The following NQO1 variants were observed in gnomAD, a reference collection of about 807,000 sequenced individuals.
NQO1 encodes NAD(P)H dehydrogenase [quinone] 1.
A neutral mutation model predicts 32.1 loss-of-function variants in NQO1; 30 were observed. The ratio of observed to expected loss-of-function variants is 0.94; its 90% CI spans 0.70 to 1.27. The LOEUF (loss-of-function observed/expected upper bound fraction) is 1.27, where lower values mean the gene tolerates loss of function less well. NQO1 is among the 50% of genes most tolerant of loss of function. The probability of loss-of-function intolerance (pLI) is 0.00; values close to 1 mark genes in which losing one functional copy is unlikely to be tolerated. For missense variants in NQO1, 276 were observed against 331.3 expected (o/e 0.83, Z 1.30); for synonymous variants, 109 against 119.7 (o/e 0.91, Z 0.59).
intron 1 of NQO1, among the ~76,000 whole-genome samples, chr16:69,723,205 G>C (rs972122415): frequency 6.6e-6 from 1 of 152,206 alleles, no homozygotes; most frequent in African/African-American, 2.4e-5. Context: ...TTACAGGCGT[G>C]AGCCACAGCG....
chr16:69,715,154 C>T (rs919258632), intron 3 of NQO1, 77 bp from the exon 4 acceptor site: 16 of 1,025,890 alleles, frequency 1.6e-5, no homozygotes, highest in Non-Finnish European at 2.0e-5. Flanking sequence ...TGCTGAGCCG[C>T]TCCCCATGAT....
chr16:69,712,912 G>C, intron 5 of NQO1, 116 bp downstream of exon 5: 2 of 812,698 alleles, frequency 2.5e-6, no homozygotes, highest in South Asian at 1.7e-5. Context: ...AGAATTGCTC[G>C]AACCCAGCGG....
rs1217907538 is a variant in NQO1, at chr16:69,709,620, A to T, written c.*1356T>A. The T allele has an allele frequency of 2.5e-6, 1 of 394,388 alleles. No homozygotes were observed. The highest frequency in any genetic ancestry group is 3.6e-5 in the East Asian group (1 of 27,912). 24.4% of individuals were successfully genotyped at this position (394,388 alleles called of 1,614,324 possible). A position where few individuals can be genotyped will look rare whatever the true frequency, so the allele number is the denominator to read the frequency against. On this transcript the variant is annotated 3_prime_UTR_variant, in exon 6 of 6. Transcript: ENST00000320623. ...CAATCCCTTCATTTTCTTGGCAAGT[A>T]AGAGGCTGTCTCCCATTTTTCAGGC...
At chr16:69,711,604 T>A (rs1176862551) in intron 5 of NQO1, among the ~76,000 whole-genome samples, 3 of 151,978 alleles carry the variant, frequency 2.0e-5, no homozygotes, top group Non-Finnish European at 4.4e-5. Flanking sequence ...CCTGCGTGGG[T>A]GCATTTCTCT....
At chr16:69,722,450 G>A (rs1435227356) in intron 1 of NQO1, among the ~76,000 whole-genome samples, 1 of 152,050 alleles carries the variant, frequency 6.6e-6, no homozygotes, top group South Asian at 2.1e-4. Context: ...GTGAGCCACC[G>A]CGCCCAGCCG....
intron 1 of NQO1, 125 bp from the exon 2 acceptor site, chr16:69,718,659 A>G: frequency 1.2e-6 from 1 of 837,762 alleles, no homozygotes; most frequent in South Asian, 1.8e-5. Context: ...ATTGCATTCC[A>G]TCTCCTGTAG....
At chr16:69,712,249 T>G (rs532249468) in intron 5 of NQO1, among the ~76,000 whole-genome samples, 1 of 150,140 alleles carries the variant, frequency 6.7e-6, no homozygotes, top group South Asian at 2.1e-4. Context: ...CTAATTTTGT[T>G]TTTTTTTTTT....
At chr16:69,722,461 G>A (rs2038205719) in intron 1 of NQO1, among the ~76,000 whole-genome samples, 1 of 152,042 alleles carries the variant, frequency 6.6e-6, no homozygotes, top group African/African-American at 2.4e-5. Context: ...CGCCCAGCCG[G>A]CATCTGCAAC....
intron 3 of NQO1, 71 bp downstream of exon 3, chr16:69,718,052 C>A: frequency 6.3e-7 from 1 of 1,582,212 alleles, no homozygotes; most frequent in Non-Finnish European, 8.6e-7. Flanking sequence ...GATCTCATAG[C>A]TAATTAGGTA....
chr16:69,726,249 G>A (rs2038260020), intron 1 of NQO1, among the ~76,000 whole-genome samples, 184 bp downstream of exon 1: 2 of 152,084 alleles, frequency 1.3e-5, no homozygotes, highest in South Asian at 2.1e-4. Context: ...CCGCGACACC[G>A]GATACAAACA....
intron 4 of NQO1, among the ~76,000 whole-genome samples, chr16:69,714,599 GC>G (rs1320920098): frequency 6.6e-6 from 1 of 151,672 alleles, no homozygotes; most frequent in Non-Finnish European, 1.5e-5. Flanking sequence ...CTGCATCAGA[GC>G]CGGGCACAGT....
chr16:69,715,017 T>G lies in NQO1; in HGVS notation c.364A>C (p.Ile122Leu). ...ILKGWFERVF[I>L]GEFAYTYAAM... ...GCGTAAGTGTAAGCAAACTCTCCTA[T>G]GAACACTCGCTCAAACCAGCCTTTC... The change falls in exon 4 of 6, where the codon ATA (isoleucine) becomes CTA (leucine). Residue 122 changes from isoleucine to leucine, a missense_variant. Coordinates refer to ENST00000320623, the MANE Select transcript of NQO1 (RefSeq NM_000903.3). The G allele has an allele frequency of 6.2e-7, 1 of 1,613,650 alleles. No homozygotes were observed. The highest frequency in any genetic ancestry group is 1.3e-5 in the African/African-American group (1 of 74,798).
At chr16:69,723,840 TAA>T (rs1227719529) in intron 1 of NQO1, among the ~76,000 whole-genome samples, 1 of 151,976 alleles carries the variant, frequency 6.6e-6, no homozygotes, top group Non-Finnish European at 1.5e-5. Flanking sequence ...ATAGGCAATT[TAA>T]AAGTTTTCTG....
intron 4 of NQO1, among the ~76,000 whole-genome samples, chr16:69,713,900 G>A (rs2038076296): frequency 1.1e-5 from 1 of 89,672 alleles, no homozygotes; most frequent in African/African-American, 4.3e-5. Flanking sequence ...TTTTGATATG[G>A]AGGCTCGCTC....
chr16:69,724,828 C>T (rs1264787666), intron 1 of NQO1, among the ~76,000 whole-genome samples: 1 of 152,146 alleles, frequency 6.6e-6, no homozygotes, highest in South Asian at 2.1e-4. Flanking sequence ...CTATTAGTTG[C>T]AAACAAAAAA....
intron 1 of NQO1, among the ~76,000 whole-genome samples, chr16:69,721,564 A>G (rs1228860638): frequency 6.6e-6 from 1 of 152,186 alleles, no homozygotes; most frequent in Non-Finnish European, 1.5e-5. Flanking sequence ...ATGGCAGCAC[A>G]AAATAGACTG....
chr16:69,724,228 G>T (rs972002922), intron 1 of NQO1, among the ~76,000 whole-genome samples: 1 of 152,114 alleles, frequency 6.6e-6, no homozygotes, highest in Admixed American at 6.6e-5. Context: ...CACAAGAATC[G>T]TTTGAACCTG....
intron 1 of NQO1, among the ~76,000 whole-genome samples, chr16:69,721,512 A>C (rs1398008049): frequency 2.0e-5 from 3 of 152,184 alleles, no homozygotes; most frequent in African/African-American, 7.2e-5. Flanking sequence ...GTGAGAAATC[A>C]ATTTCTCTTT....
Position 69,712,638 on chromosome 16 carries a change from T to C in NQO1, c.519+390A>G, listed in dbSNP as rs144106010. On this transcript the variant is annotated intron_variant, in intron 5 of 5. Coordinates refer to ENST00000320623, the MANE Select transcript of NQO1 (RefSeq NM_000903.3). ...TTTCATCTTCACAACTCAAGATCTA[T>C]TTTCAGATGCTATCTTGAGGTTTTG... Among the ~76,000 whole-genome samples the C allele has an allele frequency of 6.2e-4, 95 of 152,324 alleles. 1 individual carries two copies. The East Asian group carries it at 0.014, about 23-fold the overall frequency.
Sources: allele counts gnomAD v4.1 joint callset (sites outside exome capture counted in the v4.1 genomes callset), GRCh38; gene constraint gnomAD v4.1.1; transcripts MANE v1.5; gene names NCBI Gene and HGNC (gene_info 2026-07-23, HGNC 2026-07-21).